CELF2: variants seen among roughly 807,000 people sequenced by gnomAD.
CELF2 encodes the protein CUG triplet repeat RNA-binding protein 2.
A neutral mutation model predicts 62.6 loss-of-function variants in CELF2; 8 were observed. The observed-to-expected ratio is 0.13, with a 90% CI of 0.07 to 0.23. The LOEUF is 0.23. CELF2 is among the 10% of genes least tolerant of loss of function. The probability of loss-of-function intolerance (pLI) is 1.00; values close to 1 mark genes in which losing one functional copy is unlikely to be tolerated. For missense variants in CELF2, 333 were observed against 671.0 expected (o/e 0.50, Z 5.56); for synonymous variants, 258 against 250.0 (o/e 1.03, Z -0.30).
the CELF2 span, among the ~76,000 whole-genome samples, chr10:10,599,158 T>A: frequency 2.0e-5 from 3 of 152,304 alleles, no homozygotes; most frequent in African/African-American, 7.2e-5. Context: ...TTGGTGAGTA[T>A]TATTAATTAG....
chr10:10,565,289 G>A, the CELF2 span, among the ~76,000 whole-genome samples: 1 of 152,166 alleles, frequency 6.6e-6, no homozygotes. Context: ...GAGCAATGTT[G>A]ACCTGCTTTC....
the CELF2 span, among the ~76,000 whole-genome samples, chr10:10,574,886 T>C: frequency 0.21 from 31,544 of 147,694 alleles, 3,789 homozygotes; most frequent in East Asian, 0.36. Flanking sequence ...TTTTTTTTTT[T>C]TTTTTTTTTT....
At chr10:10,566,134 C>A in the CELF2 span, among the ~76,000 whole-genome samples, 4,959 of 152,156 alleles carry the variant, frequency 0.033, 160 homozygotes, top group East Asian at 0.1. Flanking sequence ...ATGGTCTTTA[C>A]CCTCAAGGAA....
At chr10:11,037,049 G>C (rs1418192388) in intron 1 of CELF2, among the ~76,000 whole-genome samples, 1 of 146,830 alleles carries the variant, frequency 6.8e-6, no homozygotes, top group African/African-American at 2.6e-5. Flanking sequence ...TTCACCCACT[G>C]TATTAGTCCG....
chr10:10,999,784 A>G (rs965773967), intron 2 of CELF2, among the ~76,000 whole-genome samples: 3 of 152,186 alleles, frequency 2.0e-5, no homozygotes, highest in Non-Finnish European at 2.9e-5. Flanking sequence ...AAGCTTGTGC[A>G]GTTTACTTCT....
the CELF2 span, among the ~76,000 whole-genome samples, chr10:10,681,574 T>A: frequency 6.6e-6 from 1 of 152,174 alleles, no homozygotes; most frequent in Non-Finnish European, 1.5e-5. Context: ...AAATTTTAAT[T>A]TCATAAAATT....
At chr10:10,762,902 G>C in the CELF2 span, among the ~76,000 whole-genome samples, 1 of 152,128 alleles carries the variant, frequency 6.6e-6, no homozygotes, top group Admixed American at 6.6e-5. Context: ...CTTGCCCACT[G>C]CCCTCCAGCC....
chr10:10,666,876 A>G, the CELF2 span, among the ~76,000 whole-genome samples: 32 of 75,404 alleles, frequency 4.2e-4, 6 homozygotes, highest in East Asian at 8.4e-3. Context: ...AAAAAAAAAA[A>G]AAAGAAAAAA....
chr10:10,790,226 A>G, the CELF2 span, among the ~76,000 whole-genome samples: 1 of 152,046 alleles, frequency 6.6e-6, no homozygotes, highest in African/African-American at 2.4e-5. Flanking sequence ...TTTATATTCA[A>G]GAATATATTT....
chr10:10,511,760 G>C, the CELF2 span, among the ~76,000 whole-genome samples: 2 of 152,022 alleles, frequency 1.3e-5, no homozygotes, highest in Non-Finnish European at 2.9e-5. Flanking sequence ...CTACTTCAAG[G>C]GTTGTTGTAA....
chr10:10,587,229 G>A, the CELF2 span, among the ~76,000 whole-genome samples: 2 of 152,166 alleles, frequency 1.3e-5, no homozygotes, highest in Non-Finnish European at 2.9e-5. Flanking sequence ...ATATTGTGTA[G>A]CCCGCATGGG....
rs200779130 is a variant in CELF2 at position 11,005,437 on chromosome 10, T to C, written c.50T>C (p.Leu17Ser). 591 of 1,613,816 alleles carry C rather than the reference T, an allele frequency of 3.7e-4. No homozygotes were observed. The highest frequency in any genetic ancestry group is 4.5e-4 in the Non-Finnish European group (526 of 1,179,836). Residue 17 changes from leucine to serine, a missense_variant, in exon 1 of 13, where the codon TTA (leucine) becomes TCA (serine). By Grantham distance (145) the Leu-to-Ser change is moderately radical. Coordinates refer to the CELF2 transcript ENST00000416382. The surrounding 1 kb of genome is among the most constrained non-coding windows in gnomAD (Gnocchi z 4.3). ...ACTATGAGAAATGAAGAGCTGCTTT[T>C]AAGGTATGTTGTTGTGTCCTTTGTT... is the stretch of plus-strand genomic sequence containing the variant.
In CELF2 at chr10:11,008,895, G is replaced by A. The variant is rs1564360340; in HGVS notation, c.53+3455G>A. Among the ~76,000 whole-genome samples the A allele has an allele frequency of 6.7e-6, 1 of 150,286 alleles. No individual in the cohort carries two copies. The highest frequency in any genetic ancestry group is 1.5e-5 in the Non-Finnish European group (1 of 67,892). ...TTTGTGGCATTGATCTGTACTTTCT[G>A]GAACAGTAATGAGCACAAGTCCATT... On this transcript the variant is annotated intron_variant, in intron 1 of 12. Transcript: ENST00000416382. The surrounding 1 kb of genome is among the most constrained non-coding windows in gnomAD (Gnocchi z 4.5).
At position 11,255,374 on chromosome 10, in the gene CELF2, C is replaced by T. The variant is rs538823072; in HGVS notation, c.404-2364C>T. Among the ~76,000 whole-genome samples, 38 of 152,242 alleles carry T rather than the reference C, an allele frequency of 2.5e-4. No individual in the cohort carries two copies. Among genetic ancestry groups the T allele is most frequent in the Non-Finnish European group, 4.4e-4 (30 of 68,020 alleles). On this transcript the variant is annotated intron_variant, in intron 4 of 12. Transcript: ENST00000633077. This position sits in a 1 kb window ranked among gnomAD's most constrained non-coding sequence, Gnocchi z 5.5. ...TCTGCACATGAAGCGGAAGATGGGGCGTGCCATCCTGAGGTCGGGCTGCTT... is the reference window on the plus strand; with the variant it reads ...TCTGCACATGAAGCGGAAGATGGGGTGTGCCATCCTGAGGTCGGGCTGCTT...
At chr10:10,912,456 A>G (rs1362857699) in intron 1 of CELF2, among the ~76,000 whole-genome samples, 11 of 150,878 alleles carry the variant, frequency 7.3e-5, no homozygotes, top group Admixed American at 7.3e-4. Context: ...TGCAACCTCC[A>G]CCTCCCAGGT....
intron 1 of CELF2, among the ~76,000 whole-genome samples, chr10:11,162,837 A>G (rs181362175): frequency 5.2e-4 from 79 of 152,292 alleles, no homozygotes; most frequent in African/African-American, 1.8e-3. Flanking sequence ...ATTTTGTGCC[A>G]TGTCTTGTAT....
chr10:11,160,833 C>G (rs1040620742), intron 1 of CELF2, among the ~76,000 whole-genome samples: 4 of 152,062 alleles, frequency 2.6e-5, no homozygotes, highest in African/African-American at 9.7e-5. Context: ...AGCCATTTGG[C>G]AATTCTTATA....
In CELF2 at chr10:11,156,964, T is replaced by G. The variant is rs944763844; in HGVS notation, c.75-8522T>G. Among the ~76,000 whole-genome samples, 1 of 152,194 alleles carries G rather than the reference T, an allele frequency of 6.6e-6. No homozygotes were observed. Among genetic ancestry groups the G allele is most frequent in the Non-Finnish European group, 1.5e-5 (1 of 68,036 alleles). On this transcript the variant is annotated intron_variant, in intron 1 of 12. Transcript: ENST00000633077. This position sits in a 1 kb window ranked among gnomAD's most constrained non-coding sequence, Gnocchi z 4.3. ...AATTTGAGGTGGTGCCAGAGTGTGC[T>G]GTGGGATTAGAGTTTAATGGTCAAA...
intron 5 of CELF2, among the ~76,000 whole-genome samples, chr10:11,265,539 A>T (rs1416456879): frequency 6.6e-6 from 1 of 152,230 alleles, no homozygotes; most frequent in Non-Finnish European, 1.5e-5. Context: ...TGGTTTTATT[A>T]TAATATCAGC....
Sources: allele counts gnomAD v4.1 joint callset (sites outside exome capture counted in the v4.1 genomes callset), GRCh38; gene constraint gnomAD v4.1.1; non-coding constraint Gnocchi (gnomAD v3.1); transcripts MANE v1.5; gene names NCBI Gene and HGNC (gene_info 2026-07-23, HGNC 2026-07-21).